Variants in PTPRK observed in about 807,000 individuals in gnomAD.
PTPRK encodes protein tyrosine phosphatase receptor type K, also known as receptor-type tyrosine-protein phosphatase kappa.
A neutral mutation model predicts 178.0 loss-of-function variants in PTPRK; 75 were observed. The observed-to-expected ratio is 0.42, with a 90% confidence interval of 0.35 to 0.51. The LOEUF is 0.51. Ranked by LOEUF, PTPRK falls within the 20% of genes least tolerant of loss-of-function variation. PTPRK has a pLI of 0.02. For missense variants in PTPRK, 1,441 were observed against 1,797.8 expected (o/e 0.80, Z 3.59); for synonymous variants, 637 against 620.6 (o/e 1.03, Z -0.39).
chr6:128,295,681 TG>T (rs1824214409), intron 3 of PTPRK, among the ~76,000 whole-genome samples: 2 of 152,244 alleles, frequency 1.3e-5, no homozygotes, highest in South Asian at 4.1e-4. Flanking sequence ...ATTCTAGCTC[TG>T]GTAAATCCGG....
At chr6:128,296,138 C>G (rs2128308891) in intron 3 of PTPRK, among the ~76,000 whole-genome samples, 1 of 152,172 alleles carries the variant, frequency 6.6e-6, no homozygotes, top group Non-Finnish European at 1.5e-5. Flanking sequence ...TCTCCTCTTT[C>G]TCCTCTCCCC....
At chr6:128,397,750 T>C (rs1247257332) in intron 1 of PTPRK, 62 bp from the exon 2 acceptor site, 16 of 1,521,792 alleles carry the variant, frequency 1.1e-5, no homozygotes, top group Middle Eastern at 1.7e-4. Context: ...ACGAAAGTTC[T>C]GGAGAAGGAA....
rs534525238 is a variant in PTPRK at position 128,302,391 on chromosome 6, CAAAAA to C, written c.495+19643_495+19647del. Among the ~76,000 whole-genome samples the C allele has an allele frequency of 6.5e-4, 20 of 30,948 alleles. No homozygotes were observed. In the Admixed American group the frequency reaches 7.1e-3, roughly 11 times the overall value. The allele number at this position is 30,948 out of a possible 152,430, so 20.3% of individuals were successfully genotyped here. A position where few individuals can be genotyped will look rare whatever the true frequency, so the allele number is the denominator to read the frequency against. The stretch of plus-strand genomic sequence containing the variant: ...TGGGCGACAGAGGAAGACTCAATTC[CAAAAA>C]AAAAAAAAAAAAAAAAAAAAAGCCA... On this transcript the variant is annotated intron_variant, in intron 3 of 29. Transcript: ENST00000368226.
At chr6:127,980,534 A>G (rs1002432485) in intron 25 of PTPRK, among the ~76,000 whole-genome samples, 2 of 151,772 alleles carry the variant, frequency 1.3e-5, no homozygotes, top group Non-Finnish European at 2.9e-5. Flanking sequence ...CTTTCTTTCC[A>G]TATTGTTCTG....
rs1482364038 is a variant in PTPRK, at chr6:128,519,087, G to A, written c.100+1172C>T. 1 of 532,266 alleles carries A rather than the reference G, an allele frequency of 1.9e-6. No homozygotes were observed. The highest frequency in any genetic ancestry group is 3.9e-6 in the Non-Finnish European group (1 of 259,580). The allele number at this position is 532,266 out of a possible 1,614,324, so 33.0% of individuals were successfully genotyped here. A position where few individuals can be genotyped will look rare whatever the true frequency, so the allele number is the denominator to read the frequency against. On this transcript the variant is annotated intron_variant, in intron 1 of 29. Transcript: ENST00000368226. This position sits in a 1 kb window ranked among gnomAD's most constrained non-coding sequence, Gnocchi z 4.3. ...TCCATCACCCTCTGGCCACCACTGC[G>A]TCTCCATCTGCACCGCGAACCCCAG...
chr6:128,092,097 A>G (rs1215019538), intron 7 of PTPRK, among the ~76,000 whole-genome samples: 1 of 152,228 alleles, frequency 6.6e-6, no homozygotes, highest in Admixed American at 6.5e-5. Context: ...GAGTAGCTTT[A>G]TTAGTCCTAC....
intron 7 of PTPRK, among the ~76,000 whole-genome samples, chr6:128,130,839 A>T (rs1327643207): frequency 7.5e-6 from 1 of 132,766 alleles, no homozygotes; most frequent in Non-Finnish European, 1.5e-5. Context: ...GTACCGATAT[A>T]AAAAAAAATT....
At chr6:128,237,136 T>A (rs9402028) in intron 5 of PTPRK, among the ~76,000 whole-genome samples, 1 of 152,210 alleles carries the variant, frequency 6.6e-6, no homozygotes, top group Non-Finnish European at 1.5e-5. Flanking sequence ...CACAGAGTTA[T>A]AGTATATCAT....
At position 128,218,986 on chromosome 6, in the gene PTPRK, A is replaced by G; in HGVS notation, c.804T>C (p.Tyr268=). ...CTCGTTCTGACTGAGTTACACAGCG[A>G]TACAAATCCTGGTCAGTTTTTGTCA... ...QEVTKTDQDL[Y]RCVTQSERGS... The change falls in exon 6 of 30, where the codon TAT becomes TAC. Residue 268 remains tyrosine, a synonymous_variant. Transcript: ENST00000368226. 6.2e-7 allele frequency: 1 copy of G among 1,614,112 alleles called. No individual in the cohort carries two copies. The highest frequency in any genetic ancestry group is 8.5e-7 in the Non-Finnish European group (1 of 1,179,974).
chr6:128,191,409 G>A (rs1161992345), intron 6 of PTPRK, among the ~76,000 whole-genome samples: 2 of 152,056 alleles, frequency 1.3e-5, no homozygotes, highest in Non-Finnish European at 2.9e-5. Flanking sequence ...GGGCAGGGCA[G>A]GGGCAGGGCG....
chr6:128,035,718 G>A (rs923402226), intron 13 of PTPRK, among the ~76,000 whole-genome samples: 6 of 152,176 alleles, frequency 3.9e-5, no homozygotes, highest in African/African-American at 1.4e-4. Context: ...TATAGCAATG[G>A]TTCTCAGTAT....
chr6:128,251,732 C>A (rs9491931), intron 3 of PTPRK, among the ~76,000 whole-genome samples: 128,214 of 152,182 alleles, frequency 0.84, 54,666 homozygotes, highest in East Asian at 1. Context: ...CCATATATCA[C>A]TGTAATTAAT....
At chr6:128,155,548 T>C (rs913383387) in intron 7 of PTPRK, among the ~76,000 whole-genome samples, 1 of 151,624 alleles carries the variant, frequency 6.6e-6, no homozygotes, top group African/African-American at 2.4e-5. Flanking sequence ...ATATCAATTT[T>C]ATAATCTATA....
rs979762178 is a variant in PTPRK, at chr6:128,321,579, G to A, written c.495+460C>T. On this transcript the variant is annotated intron_variant, in intron 3 of 29. Coordinates refer to ENST00000368226, the MANE Select transcript of PTPRK (RefSeq NM_002844.4). ...ATGAAAATGCCTCCCCCTTAACATAGTTCATGAAACTCTACATCACATTTA... is the reference window on the plus strand; with the variant it reads ...ATGAAAATGCCTCCCCCTTAACATAATTCATGAAACTCTACATCACATTTA... 4 of 524,240 alleles carry A rather than the reference G, an allele frequency of 7.6e-6. No homozygotes were observed. In the African/African-American group the frequency reaches 7.9e-5, roughly 10 times the overall value. 32.5% of individuals were successfully genotyped at this position (524,240 alleles called of 1,614,324 possible).
chr6:128,476,875 A>G (rs1851438462), intron 1 of PTPRK, among the ~76,000 whole-genome samples: 1 of 147,894 alleles, frequency 6.8e-6, no homozygotes, highest in Non-Finnish European at 1.5e-5. Context: ...GGTACTTTCT[A>G]AACTGCTTTT....
chr6:128,287,802 G>C (rs1013985812), intron 3 of PTPRK, among the ~76,000 whole-genome samples: 3 of 152,122 alleles, frequency 2.0e-5, no homozygotes, highest in Non-Finnish European at 2.9e-5. Flanking sequence ...CATTCCGTCT[G>C]TCATCAATTT....
At chr6:128,270,026 C>A (rs1257631874) in intron 3 of PTPRK, among the ~76,000 whole-genome samples, 1 of 152,064 alleles carries the variant, frequency 6.6e-6, no homozygotes, top group Non-Finnish European at 1.5e-5. Flanking sequence ...ATTGTACCTG[C>A]TAGTCGATTA....
intron 3 of PTPRK, among the ~76,000 whole-genome samples, chr6:128,316,115 G>A (rs1379274568): frequency 6.6e-6 from 1 of 152,160 alleles, no homozygotes; most frequent in African/African-American, 2.4e-5. Flanking sequence ...GACGGAAATG[G>A]TTCTCACATT....
At chr6:128,339,134 G>A (rs1014471746) in intron 2 of PTPRK, among the ~76,000 whole-genome samples, 36 of 152,188 alleles carry the variant, frequency 2.4e-4, no homozygotes, top group South Asian at 2.3e-3. Context: ...GTAGCAATCT[G>A]ATTACAAACC....
Sources: allele counts gnomAD v4.1 joint callset (sites outside exome capture counted in the v4.1 genomes callset), GRCh38; gene constraint gnomAD v4.1.1; non-coding constraint Gnocchi (gnomAD v3.1); transcripts MANE v1.5; gene names NCBI Gene and HGNC (gene_info 2026-07-23, HGNC 2026-07-21).